The following SORCS3 variants were observed in gnomAD, a reference collection of about 807,000 sequenced individuals.
SORCS3 encodes VPS10 domain-containing receptor SorCS3.
In SORCS3, 57 loss-of-function variants were observed where a neutral mutation model predicts 146.3. The observed-to-expected ratio is 0.39, with a 90% CI of 0.31 to 0.49. The LOEUF (loss-of-function observed/expected upper bound fraction) is 0.49, where lower values mean the gene tolerates loss of function less well. Among genes scored for constraint, SORCS3 ranks in the 20% least tolerant of loss-of-function variants. The probability of loss-of-function intolerance (pLI) is 0.92; values close to 1 mark genes in which losing one functional copy is unlikely to be tolerated. For missense variants in SORCS3, 1,341 were observed against 1,575.5 expected (o/e 0.85, Z 2.52); for synonymous variants, 653 against 618.5 (o/e 1.06, Z -0.83).
At chr10:105,072,196 C>T (rs1258993741) in intron 5 of SORCS3, among the ~76,000 whole-genome samples, 3 of 152,056 alleles carry the variant, frequency 2.0e-5, no homozygotes, top group African/African-American at 7.2e-5. Context: ...TTTATATAAG[C>T]GGGTCCCTGT....
intron 1 of SORCS3, among the ~76,000 whole-genome samples, chr10:104,762,738 C>T (rs1218472981): frequency 6.6e-6 from 1 of 152,200 alleles, no homozygotes; most frequent in Non-Finnish European, 1.5e-5. Context: ...CTTGCTCGCT[C>T]TCCTGGTGCC....
chr10:105,228,750 A>G (rs1386873482), intron 20 of SORCS3, among the ~76,000 whole-genome samples: 1 of 152,076 alleles, frequency 6.6e-6, no homozygotes, highest in African/African-American at 2.4e-5. Flanking sequence ...AAGTCACTAG[A>G]TGTTTTCCTT....
chr10:104,781,372 T>C (rs952166083), intron 1 of SORCS3, among the ~76,000 whole-genome samples: 1 of 152,236 alleles, frequency 6.6e-6, no homozygotes, highest in Non-Finnish European at 1.5e-5. Context: ...TTGTATGTGG[T>C]ATGTGTGTCA....
chr10:104,743,197 G>A (rs1236130839), intron 1 of SORCS3, among the ~76,000 whole-genome samples: 1 of 152,106 alleles, frequency 6.6e-6, no homozygotes, highest in Non-Finnish European at 1.5e-5. Context: ...TATGCTGAGT[G>A]TCAGTCTCTG....
At chr10:104,987,698 T>C (rs570808539) in intron 4 of SORCS3, among the ~76,000 whole-genome samples, 1 of 152,300 alleles carries the variant, frequency 6.6e-6, no homozygotes, top group Non-Finnish European at 1.5e-5. Context: ...TCTATATTAT[T>C]TACAACTCAG....
At chr10:104,888,479 T>C (rs970571979) in intron 2 of SORCS3, among the ~76,000 whole-genome samples, 2 of 152,206 alleles carry the variant, frequency 1.3e-5, no homozygotes, top group Non-Finnish European at 2.9e-5. Flanking sequence ...GTGATCTACA[T>C]GTGCTACCAA....
intron 3 of SORCS3, among the ~76,000 whole-genome samples, chr10:104,972,291 T>C (rs1357658107): frequency 2.0e-5 from 3 of 152,190 alleles, no homozygotes; most frequent in African/African-American, 7.2e-5. Context: ...CTCAAGATGA[T>C]ACAATATTAA....
intron 1 of SORCS3, among the ~76,000 whole-genome samples, chr10:104,834,100 C>T (rs1224344454): frequency 1.3e-5 from 2 of 152,180 alleles, no homozygotes; most frequent in African/African-American, 4.8e-5. Flanking sequence ...TCACCTGTCT[C>T]CCCAGTCCAC....
chr10:104,968,228 G>C (rs2133640461), intron 3 of SORCS3, among the ~76,000 whole-genome samples: 1 of 152,200 alleles, frequency 6.6e-6, no homozygotes, highest in East Asian at 1.9e-4. Context: ...CAATTCTCCT[G>C]TCTCAGCCTC....
At chr10:104,831,622 G>A (rs942103825) in intron 1 of SORCS3, among the ~76,000 whole-genome samples, 3 of 152,200 alleles carry the variant, frequency 2.0e-5, no homozygotes, top group Non-Finnish European at 2.9e-5. Context: ...TCCAAGCAAC[G>A]TGGTCAGGGA....
chr10:104,777,035 A>C (rs1181433690), intron 1 of SORCS3, among the ~76,000 whole-genome samples: 1 of 152,010 alleles, frequency 6.6e-6, no homozygotes, highest in Non-Finnish European at 1.5e-5. Flanking sequence ...CTTTGGGGGC[A>C]TCCTACATGC....
intron 2 of SORCS3, among the ~76,000 whole-genome samples, chr10:104,893,734 A>G (rs1211342405): frequency 6.6e-6 from 1 of 152,220 alleles, no homozygotes; most frequent in African/African-American, 2.4e-5. Flanking sequence ...CAAAGAATCT[A>G]GCAATCTCAA....
At chr10:105,118,332 G>A (rs1237601101) in intron 7 of SORCS3, among the ~76,000 whole-genome samples, 1 of 152,146 alleles carries the variant, frequency 6.6e-6, no homozygotes, top group Middle Eastern at 3.2e-3. Flanking sequence ...CTTCTGTCAT[G>A]ATTGTAAGTT....
At chr10:105,232,785 T>C (rs1344947588) in intron 20 of SORCS3, among the ~76,000 whole-genome samples, 1 of 152,126 alleles carries the variant, frequency 6.6e-6, no homozygotes, top group Non-Finnish European at 1.5e-5. Context: ...GACTAATATG[T>C]TATTTAGATG....
intron 9 of SORCS3, among the ~76,000 whole-genome samples, chr10:105,152,206 C>A (rs1366998176): frequency 6.6e-6 from 1 of 152,162 alleles, no homozygotes; most frequent in Non-Finnish European, 1.5e-5. Context: ...TAACTCCTTA[C>A]AATAATAACC....
chr10:104,964,256 A>T (rs1444177348), intron 3 of SORCS3, among the ~76,000 whole-genome samples: 1 of 152,046 alleles, frequency 6.6e-6, no homozygotes, highest in Non-Finnish European at 1.5e-5. Context: ...TTCCTTGCTG[A>T]CCTCATTTCC....
At chr10:104,725,852 C>T (rs920800662) in intron 1 of SORCS3, among the ~76,000 whole-genome samples, 20 of 152,204 alleles carry the variant, frequency 1.3e-4, no homozygotes, top group African/African-American at 4.6e-4. Flanking sequence ...GGGAGTGACC[C>T]GGTTTTCCAG....
At chr10:104,850,458 G>A (rs906231558) in intron 2 of SORCS3, among the ~76,000 whole-genome samples, 2 of 152,208 alleles carry the variant, frequency 1.3e-5, no homozygotes, top group Non-Finnish European at 2.9e-5. Context: ...GGCGGCATGT[G>A]CCTGTAGGCC....
intron 1 of SORCS3, among the ~76,000 whole-genome samples, chr10:104,755,057 C>T (rs769062950): frequency 7.9e-5 from 12 of 152,240 alleles, no homozygotes; most frequent in East Asian, 1.9e-4. Flanking sequence ...AATGCATTAC[C>T]GGTGAATTCC....
Sources: allele counts gnomAD v4.1 joint callset (sites outside exome capture counted in the v4.1 genomes callset), GRCh38; gene constraint gnomAD v4.1.1; transcripts MANE v1.5; gene names NCBI Gene and HGNC (gene_info 2026-07-23, HGNC 2026-07-21).